MAP4K1: variants seen among roughly 807,000 people sequenced by gnomAD.
MAP4K1 encodes MAPK/ERK kinase kinase kinase 1.
MAP4K1 carries 35 observed loss-of-function variants against 122.8 expected under a neutral mutation model. The observed-to-expected ratio is 0.29, with a 90% CI of 0.22 to 0.38. MAP4K1 has a LOEUF of 0.38. MAP4K1 is among the 10% of genes least tolerant of loss of function. MAP4K1 has a pLI of 1.00. For synonymous variants in MAP4K1, 412 were observed against 421.3 expected, an observed-to-expected ratio of 0.98 and a Z score of 0.27; for missense variants, 791 against 1,072.6, an observed-to-expected ratio of 0.74 and a Z score of 3.67.
chr19:38,589,654 A>G (rs1437554197), intron 30 of MAP4K1, among the ~76,000 whole-genome samples: 1 of 152,010 alleles, frequency 6.6e-6, no homozygotes, highest in East Asian at 1.9e-4. Flanking sequence ...ACCTCAGGTG[A>G]TCCACCTGCC....
intron 30 of MAP4K1, among the ~76,000 whole-genome samples, chr19:38,590,324 T>A (rs185269068): frequency 1 from 116,430 of 116,432 alleles, 58,214 homozygotes; most frequent in Middle Eastern, 1. Context: ...TTTTCCGGCT[T>A]AATTATAAAG....
intron 16 of MAP4K1, among the ~76,000 whole-genome samples, chr19:38,606,857 C>A (rs1371963227): frequency 6.6e-6 from 1 of 152,244 alleles, no homozygotes; most frequent in African/African-American, 2.4e-5. Context: ...GCGCCACACA[C>A]AGGCTGTCGC....
chr19:38,591,189 T>C (rs1466929843), intron 30 of MAP4K1, among the ~76,000 whole-genome samples: 1 of 146,704 alleles, frequency 6.8e-6, no homozygotes, highest in African/African-American at 2.6e-5. Flanking sequence ...AAACTCTGTC[T>C]CAAGAAAAGA....
At position 38,597,640 on chromosome 19, in the gene MAP4K1, C is replaced by T; in HGVS notation, c.1670-46G>A. 7.7e-7 allele frequency: 1 copy of T among 1,294,026 alleles called. No individual in the cohort carries two copies. The highest frequency in any genetic ancestry group is 2.3e-5 in the East Asian group (1 of 42,722). The allele number at this position is 1,294,026 out of a possible 1,614,324, so 80.2% of individuals were successfully genotyped here. A position where few individuals can be genotyped will look rare whatever the true frequency, so the allele number is the denominator to read the frequency against. On this transcript the variant is annotated intron_variant, in intron 22 of 30. Transcript: ENST00000396857. The surrounding 1 kb of genome is among the most constrained non-coding windows in gnomAD (Gnocchi z 4.6). ...GGGGGAAGCAGGAAGTTATAGGATC[C>T]CATATACCACTTCCTTTCCTCCATC...
At chr19:38,600,922 C>T (rs1370760099) in intron 20 of MAP4K1, among the ~76,000 whole-genome samples, 1 of 151,668 alleles carries the variant, frequency 6.6e-6, no homozygotes, top group Non-Finnish European at 1.5e-5. Flanking sequence ...TATCCTGCCT[C>T]AGCCTCCTGA....
At chr19:38,588,668 C>A (rs1399331083) in intron 30 of MAP4K1, among the ~76,000 whole-genome samples, 1 of 150,688 alleles carries the variant, frequency 6.6e-6, no homozygotes, top group Non-Finnish European at 1.5e-5. Context: ...AGGAGAATGG[C>A]GTGAACCTGG....
At chr19:38,612,479 G>C (rs560727955) in intron 9 of MAP4K1, 132 bp downstream of exon 9, 40 of 520,788 alleles carry the variant, frequency 7.7e-5, no homozygotes, top group African/African-American at 7.7e-4. Context: ...TAGAGCTGCA[G>C]CACGTGCAAA....
At chr19:38,605,801 A>C in intron 17 of MAP4K1, 71 bp from the exon 18 acceptor site, 5 of 1,446,356 alleles carry the variant, frequency 3.5e-6, no homozygotes, top group Non-Finnish European at 4.7e-6. Flanking sequence ...TTTGCAACTC[A>C]AGTCCCTGCC....
At chr19:38,594,437 C>T (rs913677204) in intron 29 of MAP4K1, among the ~76,000 whole-genome samples, 3 of 151,930 alleles carry the variant, frequency 2.0e-5, no homozygotes, top group African/African-American at 4.8e-5. Flanking sequence ...GTCAGGAGTT[C>T]GAGACCAGTC....
Position 38,617,268 on chromosome 19 carries a change from A to G in MAP4K1, c.248+86T>C. 1 of 897,454 alleles carries G rather than the reference A, an allele frequency of 1.1e-6. No homozygotes were observed. The highest frequency in any genetic ancestry group is 1.8e-6 in the Non-Finnish European group (1 of 544,620). 55.6% of individuals were successfully genotyped at this position (897,454 alleles called of 1,614,324 possible). A position where few individuals can be genotyped will look rare whatever the true frequency, so the allele number is the denominator to read the frequency against. Reference sequence around the variant, plus strand: ...CAAAAAAGAAAAAGAAAAGAAAAAAAAAGAACTGAGGGTACCCCCATCAAG... The same window carrying G: ...CAAAAAAGAAAAAGAAAAGAAAAAAGAAGAACTGAGGGTACCCCCATCAAG... On this transcript the variant is annotated intron_variant, in intron 3 of 30. Coordinates refer to ENST00000396857, the MANE Select transcript of MAP4K1 (RefSeq NM_001042600.3). This position sits in a 1 kb window ranked among gnomAD's most constrained non-coding sequence, Gnocchi z 4.1.
chr19:38,595,594 T>C (rs757123424), intron 28 of MAP4K1, 39 bp from the exon 29 acceptor site: 2 of 1,613,962 alleles, frequency 1.2e-6, no homozygotes, highest in South Asian at 2.2e-5. Context: ...TGGGGATCAC[T>C]TGAGTTTCCA....
chr19:38,605,446 G>C lies in MAP4K1; in HGVS notation c.1409C>G (p.Pro470Arg). The change falls in exon 19 of 31, where the codon CCA becomes CGA. Residue 470 changes from proline (P) to arginine (R), a missense_variant. Pro to Arg is a moderately radical substitution (Grantham distance 103). Transcript: ENST00000396857. ...NPPSRELDKP[P>R]LLPPKKEKMK... is the part of the protein sequence containing the mutation. ...CTTTTCCTTCTTGGGGGGCAGAAGTGGGGGCTTGTCAAGCTCCCGGGAGGG... is the reference window on the plus strand; with the variant it reads ...CTTTTCCTTCTTGGGGGGCAGAAGTCGGGGCTTGTCAAGCTCCCGGGAGGG... The C allele has an allele frequency of 1.2e-6, 2 of 1,601,630 alleles. No individual in the cohort carries two copies. Among genetic ancestry groups the C allele is most frequent in the Non-Finnish European group, 8.5e-7 (1 of 1,175,306 alleles).
chr19:38,606,875 G>A (rs1975344650), intron 16 of MAP4K1, among the ~76,000 whole-genome samples: 2 of 152,172 alleles, frequency 1.3e-5, no homozygotes, highest in South Asian at 4.1e-4. Context: ...CGCACGTGAT[G>A]GGTGAAGTGA....
At chr19:38,603,143 T>TATAC (rs1555810534) in intron 19 of MAP4K1, among the ~76,000 whole-genome samples, 1 of 148,880 alleles carries the variant, frequency 6.7e-6, no homozygotes, top group African/African-American at 2.5e-5. Context: ...TATACATATA[T>TATAC]ACACACATAT....
intron 6 of MAP4K1, 30 bp from the exon 7 acceptor site, chr19:38,614,115 CAG>C: frequency 6.2e-7 from 1 of 1,613,268 alleles, no homozygotes; most frequent in South Asian, 1.1e-5. Context: ...TGGGAGGCTG[CAG>C]AGACTCTCCC....
At position 38,617,803 on chromosome 19, in the gene MAP4K1, G is replaced by T; in HGVS notation, c.93C>A (p.Val31=). 3 of 1,614,092 alleles carry T rather than the reference G, an allele frequency of 1.9e-6. No individual in the cohort carries two copies. The highest frequency in any genetic ancestry group is 1.1e-5 in the South Asian group (1 of 91,084). Residue 31 remains valine, a synonymous_variant, in exon 1 of 31, where the codon GTC becomes GTA. Transcript: ENST00000396857. The surrounding 1 kb of genome is among the most constrained non-coding windows in gnomAD (Gnocchi z 4.1). ...GACAGAGGGGCTTCCTCACCTTAAA[G>T]ACTTCCCCATACGTGCCGCCACCCA... ...QRLGGGTYGE[V]FKARDKVSGD... is the part of the protein sequence containing the mutation.
chr19:38,601,397 C>T (rs1488025647), intron 20 of MAP4K1, 44 bp downstream of exon 20: 1 of 1,541,726 alleles, frequency 6.5e-7, no homozygotes. Context: ...TACTTTTGCT[C>T]TCCCATTCCC....
chr19:38,594,428 T>C, intron 29 of MAP4K1, among the ~76,000 whole-genome samples: 1 of 151,986 alleles, frequency 6.6e-6, no homozygotes, highest in Middle Eastern at 3.2e-3. Context: ...TCACTTGAGG[T>C]CAGGAGTTCG....
In MAP4K1 at chr19:38,617,880, G is replaced by A; in HGVS notation, c.16C>T (p.Pro6Ser). Residue 6 changes from proline (P) to serine (S), a missense_variant, in exon 1 of 31, where the codon CCT (proline) becomes TCT (serine). By Grantham distance (74) the Pro-to-Ser change is moderately conservative (BLOSUM62 -1). Coordinates refer to ENST00000396857, the MANE Select transcript of MAP4K1 (RefSeq NM_001042600.3). This position sits in a 1 kb window ranked among gnomAD's most constrained non-coding sequence, Gnocchi z 4.1. Reference protein sequence around the residue: MDVVDPDIFNRDPRDH... With the variant: MDVVDSDIFNRDPRDH... ...CGGGGGTCTCTATTGAAAATGTCAGGGTCCACGACGTCCATCCCTGGGGGC... is the reference window on the plus strand; with the variant it reads ...CGGGGGTCTCTATTGAAAATGTCAGAGTCCACGACGTCCATCCCTGGGGGC... 1 of 1,614,096 alleles carries A rather than the reference G, an allele frequency of 6.2e-7. No homozygotes were observed.
Sources: gnomAD v4.1 joint callset for allele counts (sites outside exome capture counted in the v4.1 genomes callset) on GRCh38, gnomAD v4.1.1 for gene constraint, Gnocchi (gnomAD v3.1) non-coding constraint, MANE v1.5 for transcripts, NCBI Gene and HGNC (gene_info 2026-07-23, HGNC 2026-07-21) for gene names.